GATA6: variants seen among roughly 807,000 people sequenced by gnomAD.
GATA6 encodes transcription factor GATA-6.
In GATA6, 11 loss-of-function variants were observed where a neutral mutation model predicts 48.1. The observed-to-expected ratio is 0.23, with a 90% CI of 0.14 to 0.38. GATA6 has a LOEUF of 0.38. Ranked by LOEUF, GATA6 falls within the 10% of genes least tolerant of loss-of-function variation. The pLI, the probability that GATA6 is intolerant of heterozygous loss-of-function variation, is 1.00. For missense variants in GATA6, 795 were observed against 850.3 expected, an observed-to-expected ratio of 0.93 and a Z score of 0.81; for synonymous variants, 419 against 396.1, an observed-to-expected ratio of 1.06 and a Z score of -0.69.
intron 1 of GATA6, among the ~76,000 whole-genome samples, 156 bp downstream of exon 1, chr18:22,169,838 C>G (rs1049218436): frequency 6.6e-6 from 1 of 152,226 alleles, no homozygotes; most frequent in African/African-American, 2.4e-5. Flanking sequence ...GAGGCGGCTC[C>G]CAGGCTCCCG....
chr18:22,171,272 C>A lies in GATA6; in HGVS notation c.128C>A (p.Ser43Tyr), dbSNP rs968804836. The A allele has an allele frequency of 7.5e-6, 12 of 1,596,588 alleles. 1 individual carries two copies. The South Asian group carries it at 1.1e-4, about 15-fold the overall frequency. Residue 43 changes from serine to tyrosine, a missense_variant, in exon 2 of 7, where the codon TCC becomes TAC. Ser to Tyr is a moderately radical substitution (Grantham distance 144). Coordinates refer to ENST00000269216, the MANE Select transcript of GATA6 (RefSeq NM_005257.6). The surrounding 1 kb of genome is among the most constrained non-coding windows in gnomAD (Gnocchi z 7.1). ...CCGCCTTCCCCCATCTCTTCCTCGTCCTCCTCCTGCTCCCGGGGCGGAGAG... is the reference window on the plus strand; with the variant it reads ...CCGCCTTCCCCCATCTCTTCCTCGTACTCCTCCTGCTCCCGGGGCGGAGAG... ...STPPSPISSS[S>Y]SSCSRGGERG...
chr18:22,196,341 T>G (rs2033388701), intron 6 of GATA6, among the ~76,000 whole-genome samples: 2 of 152,112 alleles, frequency 1.3e-5, no homozygotes, highest in Admixed American at 1.3e-4. Context: ...ACATTTTGTC[T>G]GAAAAAAAGA....
At position 22,170,708 on chromosome 18, in the gene GATA6, C is replaced by T. The variant is rs138843512; in HGVS notation, c.-37-400C>T. On this transcript the variant is annotated intron_variant, in intron 1 of 6. Transcript: ENST00000269216. The surrounding 1 kb of genome is among the most constrained non-coding windows in gnomAD (Gnocchi z 6.7). Reference sequence around the variant, plus strand: ...GCCGACACGCACAGCTACTTAAATTCTTTTGTGTGTCATCAGCCCGGGGGA... The same window carrying T: ...GCCGACACGCACAGCTACTTAAATTTTTTTGTGTGTCATCAGCCCGGGGGA... Among the ~76,000 whole-genome samples, 1 of 152,132 alleles carries T rather than the reference C, an allele frequency of 6.6e-6. No individual in the cohort carries two copies. Among genetic ancestry groups the T allele is most frequent in the African/African-American group, 2.4e-5 (1 of 41,440 alleles).
intron 6 of GATA6, among the ~76,000 whole-genome samples, chr18:22,197,417 G>A (rs1598742563): frequency 6.6e-6 from 1 of 152,128 alleles, no homozygotes; most frequent in South Asian, 2.1e-4. Context: ...CTTTATAGGT[G>A]TGGAAACTGA....
chr18:22,189,930 T>C (rs1347821080), intron 6 of GATA6, among the ~76,000 whole-genome samples: 1 of 152,214 alleles, frequency 6.6e-6, no homozygotes, highest in Non-Finnish European at 1.5e-5. Context: ...AGTTCCAAGG[T>C]CACGTGTCAA....
chr18:22,184,176 T>A (rs2033233218), intron 6 of GATA6, among the ~76,000 whole-genome samples: 3 of 152,240 alleles, frequency 2.0e-5, no homozygotes. Context: ...TTTACTGGCT[T>A]TAACAAACAA....
Position 22,171,270 on chromosome 18 carries a change from G to T in GATA6, c.126G>T (p.Ser42=). 3 of 1,596,688 alleles carry T rather than the reference G, an allele frequency of 1.9e-6. No individual in the cohort carries two copies. Among genetic ancestry groups the T allele is most frequent in the Non-Finnish European group, 2.5e-6 (3 of 1,177,814 alleles). ...CGCCGCCTTCCCCCATCTCTTCCTCGTCCTCCTCCTGCTCCCGGGGCGGAG... is the reference window on the plus strand; with the variant it reads ...CGCCGCCTTCCCCCATCTCTTCCTCTTCCTCCTCCTGCTCCCGGGGCGGAG... ...PSTPPSPISS[S]SSSCSRGGER... is the part of the protein sequence containing the mutation. The change falls in exon 2 of 7, where the codon TCG becomes TCT. Residue 42 remains serine, a synonymous_variant. Transcript: ENST00000269216. This position sits in a 1 kb window ranked among gnomAD's most constrained non-coding sequence, Gnocchi z 7.1.
At chr18:22,184,787 C>T (rs956464917) in intron 6 of GATA6, among the ~76,000 whole-genome samples, 5 of 152,154 alleles carry the variant, frequency 3.3e-5, no homozygotes, top group Admixed American at 2.0e-4. Context: ...GCATGAGTCA[C>T]CGCGCCTGGC....
intron 6 of GATA6, 153 bp from the exon 7 acceptor site, chr18:22,200,503 C>A: frequency 1.1e-6 from 1 of 933,394 alleles, no homozygotes; most frequent in Non-Finnish European, 1.8e-6. Context: ...GGGATAGTAA[C>A]GCCGGCTTCA....
chr18:22,193,563 C>A (rs1041865570), intron 6 of GATA6, among the ~76,000 whole-genome samples: 2 of 152,164 alleles, frequency 1.3e-5, no homozygotes, highest in Non-Finnish European at 2.9e-5. Flanking sequence ...CAAGAAAAAG[C>A]CGTAAGCACA....
In GATA6 at chr18:22,170,786, G is replaced by A. The variant is rs1273496848; in HGVS notation, c.-37-322G>A. On this transcript the variant is annotated intron_variant, in intron 1 of 6. Transcript: ENST00000269216. This position sits in a 1 kb window ranked among gnomAD's most constrained non-coding sequence, Gnocchi z 6.7. ...AGCCAGCTTCTGCAGATCACCCCTG[G>A]GATCTGGCGCGCGCACGGAGAAAGG... 1.8e-5 allele frequency: 7 copies of A among 384,064 alleles called. No homozygotes were observed. Among genetic ancestry groups the A allele is most frequent in the Middle Eastern group, 7.4e-4 (1 of 1,344 alleles). The allele number at this position is 384,064 out of a possible 1,614,324, so 23.8% of individuals were successfully genotyped here.
rs1567995562 is a variant in GATA6, at chr18:22,176,976, A to G, written c.1157A>G (p.Glu386Gly). ...PSADLLEDLS[E>G]SRECVNCGSI... The stretch of plus-strand genomic sequence containing the variant: ...GCAGACCTGCTGGAGGACCTGTCCG[A>G]GAGCCGCGAGTGCGTGAACTGCGGC... The change falls in exon 3 of 7, where the codon GAG becomes GGG. Residue 386 changes from glutamate (E) to glycine (G), a missense_variant. Physicochemically the swap from Glu to Gly is moderately conservative, Grantham distance 98 (BLOSUM62 -2). Transcript: ENST00000269216. 2 of 1,564,098 alleles carry G rather than the reference A, an allele frequency of 1.3e-6. No individual in the cohort carries two copies. Among genetic ancestry groups the G allele is most frequent in the Non-Finnish European group, 1.7e-6 (2 of 1,157,506 alleles).
intron 6 of GATA6, among the ~76,000 whole-genome samples, chr18:22,200,190 T>TA (rs1389550123): frequency 1.3e-5 from 2 of 151,976 alleles, no homozygotes; most frequent in East Asian, 3.9e-4. Context: ...TGTGTGTGTG[T>TA]GTGTGTGTGT....
intron 6 of GATA6, among the ~76,000 whole-genome samples, chr18:22,192,826 A>G (rs2143326666): frequency 6.6e-6 from 1 of 152,350 alleles, no homozygotes; most frequent in East Asian, 1.9e-4. Context: ...TTATATTTGT[A>G]CATGAGTATT....
At position 22,185,445 on chromosome 18, in the gene GATA6, A is replaced by C. The variant is rs1937535085; in HGVS notation, c.1620+2402A>C. Among the ~76,000 whole-genome samples the C allele has an allele frequency of 6.6e-6, 1 of 152,228 alleles. No homozygotes were observed. Among genetic ancestry groups the C allele is most frequent in the South Asian group, 2.1e-4 (1 of 4,832 alleles). ...GCTGGGAGTGGCTGGTGTGAGCTGC[A>C]GCCAGGGGGCATCTCTCCGAGCTCT... On this transcript the variant is annotated intron_variant, in intron 6 of 6. Coordinates refer to ENST00000269216, the MANE Select transcript of GATA6 (RefSeq NM_005257.6). The surrounding 1 kb of genome is among the most constrained non-coding windows in gnomAD (Gnocchi z 4.3).
In GATA6 at chr18:22,201,303, C is replaced by T; in HGVS notation, c.*480C>T. ...TGGAGGCTGAGTCGGTTCATGAGGT[C>T]TCTTATCAAAAATATTACTCAGTTT... On this transcript the variant is annotated 3_prime_UTR_variant, in exon 7 of 7. Transcript: ENST00000269216. 5.8e-6 allele frequency: 1 copy of T among 171,318 alleles called. No individual in the cohort carries two copies. Among genetic ancestry groups the T allele is most frequent in the Non-Finnish European group, 1.3e-5 (1 of 77,974 alleles). The allele number at this position is 171,318 out of a possible 1,614,324, so 10.6% of individuals were successfully genotyped here. A position where few individuals can be genotyped will look rare whatever the true frequency, so the allele number is the denominator to read the frequency against.
intron 6 of GATA6, among the ~76,000 whole-genome samples, chr18:22,193,718 A>G (rs1352522613): frequency 6.6e-6 from 1 of 152,230 alleles, no homozygotes; most frequent in Non-Finnish European, 1.5e-5. Flanking sequence ...CCTGGGGCGC[A>G]GTGTTTTCTT....
At position 22,171,447 on chromosome 18, in the gene GATA6, C is replaced by T. The variant is rs1339483342; in HGVS notation, c.303C>T (p.Gly101=). The T allele has an allele frequency of 1.4e-5, 23 of 1,595,298 alleles. No homozygotes were observed. The highest frequency in any genetic ancestry group is 2.2e-5 in the East Asian group (1 of 44,626). Residue 101 remains glycine (G), a synonymous_variant, in exon 2 of 7, where the codon GGC becomes GGT. Transcript: ENST00000269216. The surrounding 1 kb of genome is among the most constrained non-coding windows in gnomAD (Gnocchi z 7.1). ...PHGPSAPGVA[G]PGGNLSSWED... The stretch of plus-strand genomic sequence containing the variant: ...GACCTTCGGCGCCTGGGGTCGCGGG[C>T]CCCGGGGGCAACCTGTCGAGCTGGG...
intron 2 of GATA6, 177 bp from the exon 3 acceptor site, chr18:22,176,778 C>G: frequency 1.5e-6 from 1 of 680,484 alleles, no homozygotes; most frequent in Admixed American, 3.1e-5. Flanking sequence ...GTCAGTGGAG[C>G]AATAGTGACG....
Sources: allele counts gnomAD v4.1 joint callset (sites outside exome capture counted in the v4.1 genomes callset), GRCh38; gene constraint gnomAD v4.1.1; non-coding constraint Gnocchi (gnomAD v3.1); transcripts MANE v1.5; gene names NCBI Gene and HGNC (gene_info 2026-07-23, HGNC 2026-07-21).